The following FAF1 variants were observed in gnomAD, a reference collection of about 807,000 sequenced individuals.
FAF1 encodes Fas associated factor 1.
A neutral mutation model predicts 92.5 loss-of-function variants in FAF1; 25 were observed. That is an observed-to-expected ratio of 0.27 (90% CI 0.20 to 0.38). The LOEUF (loss-of-function observed/expected upper bound fraction) is 0.38. Ranked by LOEUF, FAF1 falls within the 10% of genes least tolerant of loss-of-function variation. The pLI, the probability that FAF1 is intolerant of heterozygous loss-of-function variation, is 1.00. For synonymous variants in FAF1, 234 were observed against 273.2 expected, an observed-to-expected ratio of 0.86 and a Z score of 1.42; for missense variants, 636 against 793.3, an observed-to-expected ratio of 0.80 and a Z score of 2.38.
chr1:50,603,173 C>T lies in FAF1; in HGVS notation c.745-6957G>A, dbSNP rs145932552. On this transcript the variant is annotated intron_variant, in intron 8 of 18. Coordinates refer to ENST00000396153, the MANE Select transcript of FAF1 (RefSeq NM_007051.3). ...CTTACTATCTGATAACCAGTAATTA[C>T]TTTCTTTGGCTTAATTAAAACAGCT... Among the ~76,000 whole-genome samples the T allele has an allele frequency of 4.4e-3, 670 of 152,286 alleles. 8 individuals carry two copies. The highest frequency in any genetic ancestry group is 0.015 in the African/African-American group (605 of 41,554).
At chr1:50,747,121 C>T (rs947782708) in intron 4 of FAF1, among the ~76,000 whole-genome samples, 3 of 152,182 alleles carry the variant, frequency 2.0e-5, no homozygotes, top group African/African-American at 7.2e-5. Context: ...AGGTTGGACC[C>T]CCACACACAC....
intron 17 of FAF1, among the ~76,000 whole-genome samples, chr1:50,488,476 AACAC>A (rs1186021612): frequency 6.6e-6 from 1 of 152,170 alleles, no homozygotes; most frequent in Non-Finnish European, 1.5e-5. Flanking sequence ...TACACACACA[AACAC>A]ACACAGAGCT....
At chr1:50,608,459 C>T (rs1426926648) in intron 8 of FAF1, among the ~76,000 whole-genome samples, 2 of 152,186 alleles carry the variant, frequency 1.3e-5, no homozygotes, top group Admixed American at 6.5e-5. Flanking sequence ...TGTCATCCTA[C>T]ATCTTTGGAA....
Position 50,801,660 on chromosome 1 carries a change from T to G in FAF1, c.132A>C (p.Val44=). The G allele has an allele frequency of 1.3e-6, 2 of 1,596,594 alleles. No homozygotes were observed. Residue 44 remains valine (V), a synonymous_variant, in exon 3 of 19, where the codon GTA becomes GTC. Coordinates refer to ENST00000396153, the MANE Select transcript of FAF1 (RefSeq NM_007051.3). Reference sequence around the variant, plus strand: ...GTAGAATGCCATTTTCCTGTGGTATTACACCATTGATAGCTGCCTGCAAAC... The same window carrying G: ...GTAGAATGCCATTTTCCTGTGGTATGACACCATTGATAGCTGCCTGCAAAC... The part of the protein sequence containing the change: ...NWDLVAAING[V]IPQENGILQS...
At chr1:50,944,817 G>C (rs1040596998) in intron 1 of FAF1, among the ~76,000 whole-genome samples, 4 of 152,168 alleles carry the variant, frequency 2.6e-5, no homozygotes, top group Admixed American at 6.5e-5. Context: ...TTGTTACTAG[G>C]GGGTAAAAAG....
intron 1 of FAF1, among the ~76,000 whole-genome samples, chr1:50,959,485 T>C (rs1407530899): frequency 6.6e-6 from 1 of 152,084 alleles, no homozygotes; most frequent in Non-Finnish European, 1.5e-5. Context: ...CGTCCCCCCA[T>C]ATAATACAGG....
At chr1:50,740,373 G>A (rs754003401) in intron 5 of FAF1, among the ~76,000 whole-genome samples, 4 of 152,000 alleles carry the variant, frequency 2.6e-5, no homozygotes, top group Non-Finnish European at 4.4e-5. Flanking sequence ...ATTCCTTCCT[G>A]GGGAGGGGCA....
rs148648619 is a variant in FAF1, at chr1:50,490,591, A to G, written c.1650T>C (p.Arg550=). The change falls in exon 17 of 19, where the codon CGT becomes CGC. Residue 550 remains arginine (R), a synonymous_variant. Coordinates refer to ENST00000396153, the MANE Select transcript of FAF1 (RefSeq NM_007051.3). ...TTTTCTTAAAATTATGCCCCACCTC[A>G]CGTTCCTCTTCTTGTTCTTTGCGAA... ...EQIRKEQEEE[R]EAIRLSLEQA... is the part of the protein sequence containing the mutation. 20 of 1,605,420 alleles carry G rather than the reference A, an allele frequency of 1.2e-5. No individual in the cohort carries two copies. The African/African-American group carries it at 2.7e-4, about 21-fold the overall frequency.
intron 17 of FAF1, among the ~76,000 whole-genome samples, chr1:50,485,657 G>A (rs534726924): frequency 8.0e-5 from 8 of 99,536 alleles, no homozygotes; most frequent in South Asian, 3.7e-4. Context: ...GCAACAGAGC[G>A]AGACTGTCTC....
At chr1:50,692,417 C>T (rs988006902) in intron 7 of FAF1, among the ~76,000 whole-genome samples, 5 of 152,056 alleles carry the variant, frequency 3.3e-5, no homozygotes, top group Admixed American at 1.3e-4. Context: ...GAAACTGTAT[C>T]CTTTGACCAA....
At chr1:50,883,803 A>G (rs889516974) in intron 1 of FAF1, among the ~76,000 whole-genome samples, 3 of 152,174 alleles carry the variant, frequency 2.0e-5, no homozygotes, top group Admixed American at 6.5e-5. Context: ...TGGAATTATT[A>G]ATTTACTGAG....
intron 1 of FAF1, among the ~76,000 whole-genome samples, chr1:50,901,920 G>C (rs1002133363): frequency 6.6e-6 from 1 of 152,136 alleles, no homozygotes; most frequent in African/African-American, 2.4e-5. Flanking sequence ...TGGTTTAGAA[G>C]TACTATAAGC....
At chr1:50,642,332 G>A (rs1342522753) in intron 8 of FAF1, among the ~76,000 whole-genome samples, 2 of 151,842 alleles carry the variant, frequency 1.3e-5, no homozygotes, top group African/African-American at 2.4e-5. Flanking sequence ...GTTAAAAGTA[G>A]ATCAACCTAT....
chr1:50,669,728 T>A (rs1290189820), intron 7 of FAF1, among the ~76,000 whole-genome samples: 1 of 152,246 alleles, frequency 6.6e-6, no homozygotes, highest in Non-Finnish European at 1.5e-5. Flanking sequence ...GAATTTTCTA[T>A]GAAGATAAAA....
At chr1:50,779,987 G>GACACACAC (rs1297272722) in intron 4 of FAF1, among the ~76,000 whole-genome samples, 137 of 112,872 alleles carry the variant, frequency 1.2e-3, no homozygotes, top group African/African-American at 4.7e-3. Context: ...TGCACAGACA[G>GACACACAC]ACAGACACAC....
chr1:50,744,197 C>G (rs1019173874), intron 5 of FAF1, among the ~76,000 whole-genome samples: 1 of 152,186 alleles, frequency 6.6e-6, no homozygotes, highest in African/African-American at 2.4e-5. Context: ...CATGCACCTG[C>G]CACTATCCAA....
chr1:50,518,168 T>A (rs111940518), intron 15 of FAF1, among the ~76,000 whole-genome samples: 2,461 of 152,312 alleles, frequency 0.016, 73 homozygotes, highest in African/African-American at 0.055. Flanking sequence ...TCTCTGTCCC[T>A]ACACTTTTAC....
intron 1 of FAF1, among the ~76,000 whole-genome samples, chr1:50,871,829 AACGAGGCGGGCGGATC>A (rs1644530089): frequency 6.6e-6 from 1 of 152,056 alleles, no homozygotes; most frequent in South Asian, 2.1e-4. Context: ...TATTTAGAAA[AACGAGGCGGGCGGATC>A]ACGAGGTCAG....
chr1:50,917,451 C>A (rs955333967), intron 1 of FAF1, among the ~76,000 whole-genome samples: 10 of 152,078 alleles, frequency 6.6e-5, no homozygotes, highest in African/African-American at 2.4e-4. Flanking sequence ...ATTTTTGCAG[C>A]AATCAGAGGG....
Sources: gnomAD v4.1 joint callset for allele counts (sites outside exome capture counted in the v4.1 genomes callset) on GRCh38, gnomAD v4.1.1 for gene constraint, MANE v1.5 for transcripts, NCBI Gene and HGNC (gene_info 2026-07-23, HGNC 2026-07-21) for gene names.